The following VAMP4 variants were observed in gnomAD, a reference collection of about 807,000 sequenced individuals.
VAMP4 encodes vesicle-associated membrane protein 4.
VAMP4 carries 19 observed loss-of-function variants against 23.5 expected under a neutral mutation model. The observed-to-expected ratio is 0.81, with a 90% CI of 0.56 to 1.19. The LOEUF (loss-of-function observed/expected upper bound fraction) is 1.19. Among genes scored for constraint, VAMP4 ranks in the 50% most tolerant of loss-of-function variants. The pLI is 0.00. For missense variants in VAMP4, 145 were observed against 168.6 expected, an observed-to-expected ratio of 0.86 and a Z score of 0.78; for synonymous variants, 31 against 51.0, an observed-to-expected ratio of 0.61 and a Z score of 1.67.
At chr1:171,730,596 C>T (rs1655529298) in intron 2 of VAMP4, among the ~76,000 whole-genome samples, 1 of 151,716 alleles carries the variant, frequency 6.6e-6, no homozygotes, top group African/African-American at 2.4e-5. Context: ...AAAAGTAAAA[C>T]AATGGAAGGG....
At chr1:171,723,118 T>C (rs1434000481) in intron 3 of VAMP4, among the ~76,000 whole-genome samples, 2 of 152,116 alleles carry the variant, frequency 1.3e-5, no homozygotes, top group African/African-American at 4.8e-5. Flanking sequence ...TTTGTTGTGA[T>C]TTTCAAAGGG....
intron 3 of VAMP4, among the ~76,000 whole-genome samples, chr1:171,726,972 T>C (rs12139610): frequency 0.34 from 51,033 of 151,744 alleles, 8,845 homozygotes; most frequent in Middle Eastern, 0.43. Flanking sequence ...TGGCTCATCC[T>C]TGTAATCCCA....
intron 4 of VAMP4, among the ~76,000 whole-genome samples, chr1:171,711,673 G>A (rs1210169693): frequency 6.6e-6 from 1 of 152,006 alleles, no homozygotes; most frequent in Non-Finnish European, 1.5e-5. Flanking sequence ...CTCCTCTGTT[G>A]CTCTAACCAC....
intron 2 of VAMP4, among the ~76,000 whole-genome samples, chr1:171,730,481 C>A (rs1319057408): frequency 6.6e-6 from 1 of 151,814 alleles, no homozygotes; most frequent in Non-Finnish European, 1.5e-5. Context: ...CCAACAAAGC[C>A]CAGAAGCTGG....
intron 2 of VAMP4, among the ~76,000 whole-genome samples, chr1:171,736,537 AAAG>A (rs1217282895): frequency 2.0e-5 from 3 of 152,242 alleles, no homozygotes; most frequent in African/African-American, 7.2e-5. Context: ...AAATTATGGC[AAAG>A]AAGGAGTAAC....
intron 2 of VAMP4, among the ~76,000 whole-genome samples, chr1:171,737,411 G>A (rs978002651): frequency 6.6e-6 from 1 of 151,854 alleles, no homozygotes; most frequent in Non-Finnish European, 1.5e-5. Context: ...TTTTAAATGC[G>A]GCATAATTTC....
chr1:171,706,205 C>A (rs536354361), intron 7 of VAMP4, among the ~76,000 whole-genome samples, 162 bp downstream of exon 7: 1 of 152,050 alleles, frequency 6.6e-6, no homozygotes, highest in Non-Finnish European at 1.5e-5. Context: ...TACTTAAGAG[C>A]ATTTTCAGAG....
rs1228113066 is a variant in VAMP4 at position 171,703,765 on chromosome 1, T to G, written c.*741A>C. 2.6e-5 allele frequency: 4 copies of G among 152,190 alleles called. No homozygotes were observed. In the Admixed American group the frequency reaches 2.6e-4, roughly 10 times the overall value. 9.4% of individuals were successfully genotyped at this position (152,190 alleles called of 1,614,324 possible). A position where few individuals can be genotyped will look rare whatever the true frequency, so the allele number is the denominator to read the frequency against. ...AACAGAAAACAGACTGGACCATGAC[T>G]GGCAGCTATATATTGGTCATTTTCA... On this transcript the variant is annotated 3_prime_UTR_variant, in exon 8 of 8. Coordinates refer to ENST00000236192, the MANE Select transcript of VAMP4 (RefSeq NM_003762.5).
intron 4 of VAMP4, among the ~76,000 whole-genome samples, chr1:171,715,438 T>C (rs1477444304): frequency 1.3e-5 from 2 of 152,208 alleles, no homozygotes; most frequent in Non-Finnish European, 2.9e-5. Flanking sequence ...GTAGAGCCCC[T>C]GGGTTCTGTA....
In VAMP4 at chr1:171,702,367, GAC is replaced by G. The variant is rs1462786846; in HGVS notation, c.*2137_*2138del. The G allele has an allele frequency of 2.0e-5, 3 of 151,992 alleles. No individual in the cohort carries two copies. Among genetic ancestry groups the G allele is most frequent in the Non-Finnish European group, 2.9e-5 (2 of 67,864 alleles). 9.4% of individuals were successfully genotyped at this position (151,992 alleles called of 1,614,324 possible). On this transcript the variant is annotated 3_prime_UTR_variant, in exon 8 of 8. Transcript: ENST00000236192. Reference sequence around the variant, plus strand: ...GGCAGCAATATGTTTAAATTACAAAGACAGTGACATATATATTGTCAAAAAAT... The same window carrying G: ...GGCAGCAATATGTTTAAATTACAAAGAGTGACATATATATTGTCAAAAAAT...
At chr1:171,733,855 G>A (rs1463085241) in intron 2 of VAMP4, among the ~76,000 whole-genome samples, 1 of 152,068 alleles carries the variant, frequency 6.6e-6, no homozygotes, top group African/African-American at 2.4e-5. Context: ...ATAAAAACAT[G>A]CTCAAACAAA....
chr1:171,709,802 T>TTTGTGTGACTAGATAAA, intron 5 of VAMP4, 58 bp from the exon 6 acceptor site: 1 of 1,311,830 alleles, frequency 7.6e-7, no homozygotes, highest in Non-Finnish European at 1.1e-6. Context: ...TTCTTTTATC[T>TTTGTGTGACTAGATAAA]AGTCACACAA....
Position 171,706,390 on chromosome 1 carries a change from G to A in VAMP4, c.374C>T (p.Ala125Val), listed in dbSNP as rs764468160. 4 of 1,609,562 alleles carry A rather than the reference G, an allele frequency of 2.5e-6. No individual in the cohort carries two copies. The Admixed American group carries it at 5.1e-5, about 20-fold the overall frequency. ...KIKAIMALVA[A>V]ILLLVIIILI... ...ACTGATAATCACTAGCAAAAGGATA[G>A]CAGCAACCAAAGCCATGATGGCTTT... Residue 125 changes from alanine to valine, a missense_variant, in exon 7 of 8, where the codon GCT (alanine) becomes GTT (valine). Ala to Val is a moderately conservative substitution (Grantham distance 64). Transcript: ENST00000236192.
At chr1:171,722,732 C>T (rs981030945) in intron 3 of VAMP4, among the ~76,000 whole-genome samples, 1 of 152,152 alleles carries the variant, frequency 6.6e-6, no homozygotes, top group East Asian at 1.9e-4. Context: ...GTTAGAATGG[C>T]GATCATTAAA....
rs767506897 is a variant in VAMP4, at chr1:171,732,957, A to G, written c.67-4387T>C. ...TGTCTGTATTATATAAAAAGCTTTG[A>G]CAAACTAGTAAGAAAAAGAGACATT... On this transcript the variant is annotated intron_variant, in intron 2 of 7. Transcript: ENST00000236192. Among the ~76,000 whole-genome samples the G allele has an allele frequency of 2.4e-4, 36 of 152,202 alleles. 1 individual carries two copies. The highest frequency in any genetic ancestry group is 1.0e-3 in the South Asian group (5 of 4,836).
intron 3 of VAMP4, among the ~76,000 whole-genome samples, chr1:171,720,745 A>G (rs1655165109): frequency 6.6e-6 from 1 of 152,086 alleles, no homozygotes; most frequent in South Asian, 2.1e-4. Flanking sequence ...AGAAAAAATA[A>G]GAATTCTATG....
Position 171,738,415 on chromosome 1 carries a change from A to AT in VAMP4, c.-2dup. 2.5e-6 allele frequency: 4 copies of AT among 1,614,082 alleles called. No homozygotes were observed. In the Middle Eastern group the frequency reaches 5.0e-4, roughly 200 times the overall value. On this transcript the variant is annotated 5_prime_UTR_variant, in exon 2 of 8. Transcript: ENST00000236192. The stretch of plus-strand genomic sequence containing the variant: ...GGTGGCGCTTAAACTTGGGAGGCAT[A>AT]TTTTTTACTTGCAAAGTATCTTTTG...
chr1:171,718,495 G>A (rs1655090650), intron 4 of VAMP4, among the ~76,000 whole-genome samples: 1 of 151,932 alleles, frequency 6.6e-6, no homozygotes, highest in Non-Finnish European at 1.5e-5. Flanking sequence ...ATATCTTTCC[G>A]ATATCAGACA....
intron 1 of VAMP4, among the ~76,000 whole-genome samples, chr1:171,738,808 G>A (rs1174932495): frequency 6.6e-6 from 1 of 152,208 alleles, no homozygotes; most frequent in Non-Finnish European, 1.5e-5. Context: ...TCAGAAGACA[G>A]GAGAACATGC....
Sources: allele counts gnomAD v4.1 joint callset (sites outside exome capture counted in the v4.1 genomes callset), GRCh38; gene constraint gnomAD v4.1.1; transcripts MANE v1.5; gene names NCBI Gene and HGNC (gene_info 2026-07-23, HGNC 2026-07-21).